The following FYN variants were observed in gnomAD, a reference collection of about 807,000 sequenced individuals.
The protein encoded by FYN is FYN proto-oncogene, Src family tyrosine kinase.
A neutral mutation model predicts 70.2 loss-of-function variants in FYN; 10 were observed. The ratio of observed to expected loss-of-function variants is 0.14; its 90% CI spans 0.09 to 0.24. The LOEUF (loss-of-function observed/expected upper bound fraction) is 0.24. Among genes scored for constraint, FYN ranks in the 10% least tolerant of loss-of-function variants. The pLI is 1.00. For missense variants in FYN, 319 were observed against 673.1 expected (o/e 0.47, Z 5.82); for synonymous variants, 236 against 248.6 (o/e 0.95, Z 0.48).
chr6:111,830,870 G>A (rs1348506338), intron 2 of FYN, among the ~76,000 whole-genome samples: 2 of 152,074 alleles, frequency 1.3e-5, no homozygotes, highest in Non-Finnish European at 2.9e-5. Flanking sequence ...GAGTAAAAAT[G>A]TCCTATGCAG....
At chr6:111,775,774 G>GT (rs1770912269) in intron 3 of FYN, among the ~76,000 whole-genome samples, 2 of 152,180 alleles carry the variant, frequency 1.3e-5, no homozygotes, top group African/African-American at 4.8e-5. Flanking sequence ...GGTAGGCCAG[G>GT]ATCTGTGCGT....
chr6:111,711,274 G>GA (rs1043861832), intron 5 of FYN, among the ~76,000 whole-genome samples: 163 of 145,778 alleles, frequency 1.1e-3, no homozygotes, highest in East Asian at 1.8e-3. Flanking sequence ...ATCACAATAG[G>GA]AAAAAAAAAA....
At chr6:111,815,991 T>G (rs549245688) in intron 2 of FYN, among the ~76,000 whole-genome samples, 6 of 152,178 alleles carry the variant, frequency 3.9e-5, no homozygotes, top group Non-Finnish European at 5.9e-5. Context: ...TGAGCCACCA[T>G]GCCTGGCATA....
chr6:111,836,791 C>T (rs35737411), intron 2 of FYN, among the ~76,000 whole-genome samples: 11,237 of 152,126 alleles, frequency 0.074, 563 homozygotes, highest in Middle Eastern at 0.17. Flanking sequence ...ACAACAAATG[C>T]TTTTTTCTGA....
chr6:111,786,477 G>A, intron 2 of FYN, among the ~76,000 whole-genome samples: 1 of 152,198 alleles, frequency 6.6e-6, no homozygotes, highest in Non-Finnish European at 1.5e-5. Context: ...CATTTGGGTT[G>A]GTTCCAACTC....
At chr6:111,687,150 T>A (rs777294014) in intron 12 of FYN, among the ~76,000 whole-genome samples, 1 of 152,240 alleles carries the variant, frequency 6.6e-6, no homozygotes, top group Non-Finnish European at 1.5e-5. Flanking sequence ...ATGTTTTCTA[T>A]GAAAGAATGT....
At chr6:111,839,551 T>A (rs1419937611) in intron 2 of FYN, among the ~76,000 whole-genome samples, 1 of 152,056 alleles carries the variant, frequency 6.6e-6, no homozygotes, top group African/African-American at 2.4e-5. Context: ...TAGTAACCTC[T>A]TACTCTACAC....
intron 3 of FYN, among the ~76,000 whole-genome samples, chr6:111,764,243 A>G (rs1402250622): frequency 7.3e-6 from 1 of 136,238 alleles, no homozygotes; most frequent in African/African-American, 2.9e-5. Flanking sequence ...GAAAAGAAAA[A>G]AAAAGAAAGA....
intron 4 of FYN, among the ~76,000 whole-genome samples, chr6:111,717,076 G>A (rs908053176): frequency 5.9e-5 from 9 of 152,024 alleles, no homozygotes; most frequent in Admixed American, 1.3e-4. Context: ...AAGCCACTGC[G>A]CCTGGCCGAG....
chr6:111,746,815 G>GA (rs1802243517), intron 3 of FYN, among the ~76,000 whole-genome samples: 1 of 151,508 alleles, frequency 6.6e-6, no homozygotes, highest in South Asian at 2.1e-4. Flanking sequence ...ACAGAGAGAG[G>GA]GTAGAGGGAG....
intron 9 of FYN, among the ~76,000 whole-genome samples, chr6:111,698,687 T>C (rs1198125228): frequency 1.3e-5 from 2 of 152,232 alleles, no homozygotes; most frequent in African/African-American, 4.8e-5. Flanking sequence ...GCCTTATCAA[T>C]GACAATCAAA....
At chr6:111,761,792 G>T (rs1204568937) in intron 3 of FYN, among the ~76,000 whole-genome samples, 2 of 152,186 alleles carry the variant, frequency 1.3e-5, no homozygotes, top group African/African-American at 2.4e-5. Flanking sequence ...GCTCTGCAGG[G>T]TTGTGAAAGG....
chr6:111,774,689 GCTTTTT>G (rs1412969819), intron 3 of FYN, among the ~76,000 whole-genome samples: 1 of 151,912 alleles, frequency 6.6e-6, no homozygotes, highest in Admixed American at 6.6e-5. Flanking sequence ...ATGTGCTGCA[GCTTTTT>G]CCCCCCCTAC....
intron 2 of FYN, among the ~76,000 whole-genome samples, chr6:111,846,339 T>C (rs1346434365): frequency 6.6e-6 from 1 of 152,154 alleles, no homozygotes; most frequent in East Asian, 1.9e-4. Flanking sequence ...TCAAAACATA[T>C]GTTCCCATAA....
chr6:111,710,883 T>C (rs1251121184), intron 5 of FYN, among the ~76,000 whole-genome samples: 8 of 152,336 alleles, frequency 5.3e-5, no homozygotes, highest in Non-Finnish European at 8.8e-5. Context: ...ACGGTTCTTA[T>C]AGTTCAGATT....
rs564152781 is a variant in FYN at position 111,787,887 on chromosome 6, A to G, written c.-81-7252T>C. 3.3e-5 allele frequency among the ~76,000 whole-genome samples: 5 copies of G among 152,300 alleles called. No individual in the cohort carries two copies. In the East Asian group the frequency reaches 9.6e-4, roughly 29 times the overall value. On this transcript the variant is annotated intron_variant, in intron 2 of 13. Transcript: ENST00000354650. The stretch of plus-strand genomic sequence containing the variant: ...ACTGCTAGAAAGACCAATGACTTCC[A>G]CAAACTTTTCAGCTTTGCACTCAAA...
Position 111,708,783 on chromosome 6 carries a change from C to T in FYN, c.345-763G>A, listed in dbSNP as rs772483718. On this transcript the variant is annotated intron_variant, in intron 5 of 13. Coordinates refer to ENST00000354650, the MANE Select transcript of FYN (RefSeq NM_002037.5). ...CAAGGGAGTGAGATTTTTAGTCACGCCACTTTGTACTGCCTTAGGCTCCAT... is the reference window on the plus strand; with the variant it reads ...CAAGGGAGTGAGATTTTTAGTCACGTCACTTTGTACTGCCTTAGGCTCCAT... Among the ~76,000 whole-genome samples, 153 of 152,256 alleles carry T rather than the reference C, an allele frequency of 1.0e-3. 1 individual carries two copies. The highest frequency in any genetic ancestry group is 1.8e-3 in the Admixed American group (27 of 15,298).
intron 2 of FYN, among the ~76,000 whole-genome samples, chr6:111,784,092 C>T (rs2128508459): frequency 6.6e-6 from 1 of 152,272 alleles, no homozygotes; most frequent in Admixed American, 6.5e-5. Flanking sequence ...GAGAAGCTCC[C>T]TCCTTCTGAA....
intron 3 of FYN, among the ~76,000 whole-genome samples, chr6:111,754,004 A>G (rs1367540082): frequency 6.6e-6 from 1 of 152,144 alleles, no homozygotes; most frequent in Non-Finnish European, 1.5e-5. Context: ...ACAGTGAAGG[A>G]CTCACCAAAC....
Sources: allele counts gnomAD v4.1 joint callset (sites outside exome capture counted in the v4.1 genomes callset), GRCh38; gene constraint gnomAD v4.1.1; transcripts MANE v1.5; gene names NCBI Gene and HGNC (gene_info 2026-07-23, HGNC 2026-07-21).